Variants in CD3G observed in about 807,000 individuals in gnomAD.
CD3G encodes CD3 gamma subunit of T-cell receptor complex, also known as T-cell surface glycoprotein CD3 gamma chain.
A neutral mutation model predicts 28.3 loss-of-function variants in CD3G; 24 were observed. The observed-to-expected ratio is 0.85, with a 90% CI of 0.61 to 1.19. CD3G has a LOEUF of 1.19. Among genes scored for constraint, CD3G ranks in the 50% most tolerant of loss-of-function variants. CD3G has a pLI of 0.00. For synonymous variants in CD3G, 71 were observed against 75.9 expected (o/e 0.93, Z 0.34); for missense variants, 211 against 210.0 (o/e 1.00, Z -0.03).
At chr11:118,352,371 A>G in intron 5 of CD3G, 33 bp from the exon 6 acceptor site, 4 of 1,589,464 alleles carry the variant, frequency 2.5e-6, no homozygotes, top group Non-Finnish European at 3.5e-6. Flanking sequence ...AGAGGATGGA[A>G]AAAATGACTT....
chr11:118,349,808 G>C lies in CD3G; in HGVS notation c.145G>C (p.Glu49Gln). 1 of 1,614,062 alleles carries C rather than the reference G, an allele frequency of 6.2e-7. No homozygotes were observed. ...TTCGGTACTTCTGACTTGTGATGCA[G>C]AAGCCAAAAATATCACATGGTTTAA... ...DGSVLLTCDA[E>Q]AKNITWFKDG... Residue 49 changes from glutamate to glutamine, a missense_variant, in exon 3 of 7, where the codon GAA (glutamate) becomes CAA (glutamine). Coordinates refer to ENST00000532917, the MANE Select transcript of CD3G (RefSeq NM_000073.3).
intron 2 of CD3G, 76 bp from the exon 3 acceptor site, chr11:118,349,667 G>A: frequency 9.2e-7 from 1 of 1,083,272 alleles, no homozygotes; most frequent in South Asian, 1.3e-5. Flanking sequence ...CTACTCTAAT[G>A]ATCTCCTGGT....
At position 118,344,465 on chromosome 11, in the gene CD3G, CATT is replaced by C; in HGVS notation, c.43_45del (p.Ile15del). On this transcript the variant is annotated inframe_deletion, in exon 1 of 7. Transcript: ENST00000532917. ...GCCTGGCTGTCCTCATCCTGGCTAT[CATT>C]CTTCTTCAAGGTAAGGGCCTACTAG... The C allele has an allele frequency of 6.4e-7, 1 of 1,568,256 alleles. No homozygotes were observed. Among genetic ancestry groups the C allele is most frequent in the Non-Finnish European group, 8.7e-7 (1 of 1,155,774 alleles).
chr11:118,349,883 C>G lies in CD3G; in HGVS notation c.220C>G (p.Leu74Val), dbSNP rs201003110. The G allele has an allele frequency of 1.9e-6, 3 of 1,614,072 alleles. No homozygotes were observed. The highest frequency in any genetic ancestry group is 2.5e-6 in the Non-Finnish European group (3 of 1,179,992). Residue 74 changes from leucine to valine, a missense_variant, in exon 3 of 7, where the codon CTG (leucine) becomes GTG (valine). Transcript: ENST00000532917. ...AACTGAAGATAAAAAAAAATGGAAT[C>G]TGGGAAGTAATGCCAAGGACCCTCG... The part of the protein sequence containing the change: ...FLTEDKKKWN[L>V]GSNAKDPRGM...
At chr11:118,350,521 C>A in intron 3 of CD3G, 31 bp from the exon 4 acceptor site, 1 of 1,558,006 alleles carries the variant, frequency 6.4e-7, no homozygotes, top group Admixed American at 1.7e-5. Context: ...ACTTTCGCAA[C>A]CTGAAGGTTT....
At chr11:118,351,701 G>A (rs1459754400) in intron 5 of CD3G, 30 bp downstream of exon 5, 1 of 1,607,106 alleles carries the variant, frequency 6.2e-7, no homozygotes, top group African/African-American at 1.3e-5. Context: ...AAGAGACATT[G>A]CTGTAATTAG....
At chr11:118,348,548 C>T (rs1565521270) in intron 1 of CD3G, among the ~76,000 whole-genome samples, 1 of 152,154 alleles carries the variant, frequency 6.6e-6, no homozygotes, top group African/African-American at 2.4e-5. Context: ...CAGGAAGCTC[C>T]ACCAAGTTTT....
chr11:118,350,630 T>C lies in CD3G; in HGVS notation c.386T>C (p.Leu129Pro). 1 of 1,614,082 alleles carries C rather than the reference T, an allele frequency of 6.2e-7. No homozygotes were observed. Among genetic ancestry groups the C allele is most frequent in the Non-Finnish European group, 8.5e-7 (1 of 1,180,000 alleles). ...GCTGAAATCGTCAGCATTTTCGTCC[T>C]TGCTGTTGGGGTCTACTTCATTGCT... ...LFAEIVSIFV[L>P]AVGVYFIAGQ... The change falls in exon 4 of 7, where the codon CTT becomes CCT. Residue 129 changes from leucine to proline, a missense_variant. Leu to Pro is a moderately conservative substitution (Grantham distance 98, BLOSUM62 -3). Coordinates refer to ENST00000532917, the MANE Select transcript of CD3G (RefSeq NM_000073.3).
intron 6 of CD3G, among the ~76,000 whole-genome samples, chr11:118,352,795 CTAAT>C (rs559481603): frequency 1.2e-4 from 18 of 152,178 alleles, no homozygotes; most frequent in African/African-American, 4.3e-4. Context: ...ACATTTTGGG[CTAAT>C]TAATTATTTG....
At chr11:118,347,390 A>G (rs1048763461) in intron 1 of CD3G, among the ~76,000 whole-genome samples, 3 of 152,222 alleles carry the variant, frequency 2.0e-5, no homozygotes, top group Non-Finnish European at 4.4e-5. Context: ...AAGATAATGT[A>G]TACATTCTAT....
rs766053402 is a variant in CD3G, at chr11:118,349,855, C to T, written c.192C>T (p.Phe64=). Residue 64 remains phenylalanine (F), a synonymous_variant, in exon 3 of 7, where the codon TTC becomes TTT. Coordinates refer to ENST00000532917, the MANE Select transcript of CD3G (RefSeq NM_000073.3). ...TWFKDGKMIG[F]LTEDKKKWNL... ...TTAAAGATGGGAAGATGATCGGCTTCCTAACTGAAGATAAAAAAAAATGGA... is the reference window on the plus strand; with the variant it reads ...TTAAAGATGGGAAGATGATCGGCTTTCTAACTGAAGATAAAAAAAAATGGA... 6.2e-6 allele frequency: 10 copies of T among 1,614,032 alleles called. No homozygotes were observed. Among genetic ancestry groups the T allele is most frequent in the Admixed American group, 3.3e-5 (2 of 59,998 alleles).
chr11:118,348,873 T>G (rs1241506144), intron 1 of CD3G, among the ~76,000 whole-genome samples, 154 bp from the exon 2 acceptor site: 1 of 152,212 alleles, frequency 6.6e-6, no homozygotes, highest in African/African-American at 2.4e-5. Context: ...ATTGAGTGAT[T>G]TAGTCTACAA....
At chr11:118,346,206 G>A (rs1428669036) in intron 1 of CD3G, among the ~76,000 whole-genome samples, 3 of 152,178 alleles carry the variant, frequency 2.0e-5, no homozygotes, top group Non-Finnish European at 4.4e-5. Context: ...GGTCGAGGCA[G>A]GTGGATCACC....
chr11:118,347,376 C>T (rs1252869473), intron 1 of CD3G, among the ~76,000 whole-genome samples: 2 of 152,142 alleles, frequency 1.3e-5, no homozygotes, highest in Non-Finnish European at 2.9e-5. Flanking sequence ...CATATAAGCA[C>T]TAAAAGATAA....
intron 1 of CD3G, among the ~76,000 whole-genome samples, chr11:118,346,471 T>C (rs931278558): frequency 6.6e-6 from 1 of 151,504 alleles, no homozygotes; most frequent in Non-Finnish European, 1.5e-5. Flanking sequence ...AATGTGGCTA[T>C]ATGAACTCTT....
chr11:118,347,254 T>C (rs1948365269), intron 1 of CD3G, among the ~76,000 whole-genome samples: 1 of 152,242 alleles, frequency 6.6e-6, no homozygotes, highest in South Asian at 2.1e-4. Context: ...CTATCTGGTA[T>C]ATTCTTGCTT....
Position 118,354,005 on chromosome 11 carries a change from C to A in CD3G, c.*905C>A, listed in dbSNP as rs1948431177. ...AGATACCATTATATCCTTTTTAATG[C>A]AACCATATTGTACAAATAGACTATG... On this transcript the variant is annotated 3_prime_UTR_variant, in exon 7 of 7. Transcript: ENST00000532917. The A allele has an allele frequency of 6.6e-6, 1 of 152,166 alleles. No homozygotes were observed. Among genetic ancestry groups the A allele is most frequent in the Non-Finnish European group, 1.5e-5 (1 of 68,026 alleles). 9.4% of individuals were successfully genotyped at this position (152,166 alleles called of 1,614,324 possible).
intron 1 of CD3G, among the ~76,000 whole-genome samples, chr11:118,344,948 T>C (rs1431765172): frequency 6.6e-6 from 1 of 152,240 alleles, no homozygotes; most frequent in African/African-American, 2.4e-5. Context: ...ACACTTATGC[T>C]CTACAGAACT....
At chr11:118,351,928 A>G (rs912404809) in intron 5 of CD3G, among the ~76,000 whole-genome samples, 1 of 152,012 alleles carries the variant, frequency 6.6e-6, no homozygotes, top group African/African-American at 2.4e-5. Flanking sequence ...CTGGGCACTC[A>G]CTATAGACAG....
Sources: gnomAD v4.1 joint callset for allele counts (sites outside exome capture counted in the v4.1 genomes callset) on GRCh38, gnomAD v4.1.1 for gene constraint, MANE v1.5 for transcripts, NCBI Gene and HGNC (gene_info 2026-07-23, HGNC 2026-07-21) for gene names.